CFAP54: variants seen among roughly 807,000 people sequenced by gnomAD.
The protein encoded by CFAP54 is cilia- and flagella-associated protein 54.
Under a neutral mutation model 370.4 loss-of-function variants are expected in CFAP54, and 290 were observed. That is an observed-to-expected ratio of 0.78 (90% CI 0.71 to 0.86). The LOEUF (loss-of-function observed/expected upper bound fraction) is 0.86, where lower values mean the gene tolerates loss of function less well. Among genes scored for constraint, CFAP54 ranks in the 40% least tolerant of loss-of-function variants. The pLI, the probability that CFAP54 is intolerant of heterozygous loss-of-function variation, is 0.00. For missense variants in CFAP54, 3,399 were observed against 3,528.7 expected (o/e 0.96, Z 0.93); for synonymous variants, 1,206 against 1,236.5 (o/e 0.98, Z 0.52).
Position 96,847,305 on chromosome 12 carries a change from G to C in CFAP54, c.9172-13514G>C, listed in dbSNP as rs193100161. On this transcript the variant is annotated intron_variant, in intron 66 of 67. Transcript: ENST00000524981. ...CCTCCCAGCACTCTCCTGGTGAGCTGCCCTCCCTCCCAGCACTCTCCTGGT... is the reference window on the plus strand; with the variant it reads ...CCTCCCAGCACTCTCCTGGTGAGCTCCCCTCCCTCCCAGCACTCTCCTGGT... Among the ~76,000 whole-genome samples, 111 of 150,906 alleles carry C rather than the reference G, an allele frequency of 7.4e-4. No homozygotes were observed. In the East Asian group the frequency reaches 0.02, roughly 27 times the overall value.
At chr12:96,838,274 T>G (rs961648267) in intron 66 of CFAP54, among the ~76,000 whole-genome samples, 1 of 151,556 alleles carries the variant, frequency 6.6e-6, no homozygotes, top group Non-Finnish European at 1.5e-5. Context: ...AAGCCCTTGA[T>G]GCAAAGACAA....
intron 55 of CFAP54, among the ~76,000 whole-genome samples, chr12:96,748,818 G>A (rs997212711): frequency 6.6e-6 from 1 of 152,168 alleles, no homozygotes; most frequent in African/African-American, 2.4e-5. Flanking sequence ...ACCAGCATAT[G>A]TCTGGGTATA....
chr12:96,823,847 C>A (rs748440989), intron 65 of CFAP54, among the ~76,000 whole-genome samples: 15 of 152,172 alleles, frequency 9.9e-5, no homozygotes, highest in Non-Finnish European at 5.9e-5. Flanking sequence ...CCTGGAAGGG[C>A]AGCTCATGAT....
intron 17 of CFAP54, among the ~76,000 whole-genome samples, chr12:96,559,741 C>T (rs1179344367): frequency 6.6e-6 from 1 of 152,032 alleles, no homozygotes; most frequent in African/African-American, 2.4e-5. Context: ...CCCCTGAAAA[C>T]TGTAGCATTT....
At position 96,658,277 on chromosome 12, in the gene CFAP54, A is replaced by G; in HGVS notation, c.5391A>G (p.Ile1797Met). ...CACAGCGCCAGCTTCTGCTGAGAAT[A>G]CAGAAGTTCAAGGGCCCAGATATTA... ...VYAQRQLLLR[I>M]QKFKGPDITQ... The change falls in exon 38 of 68, where the codon ATA becomes ATG. Residue 1797 changes from isoleucine (I) to methionine (M), a missense_variant. Ile to Met is a conservative substitution (Grantham distance 10, BLOSUM62 1). This residue lies in a region of CFAP54 where 2,796 missense variants were observed against 2,869.7 expected (regional missense o/e 0.97). Coordinates refer to ENST00000524981, the MANE Select transcript of CFAP54 (RefSeq NM_001306084.2). 1.2e-6 allele frequency: 2 copies of G among 1,614,080 alleles called. No individual in the cohort carries two copies. Among genetic ancestry groups the G allele is most frequent in the Non-Finnish European group, 8.5e-7 (1 of 1,179,926 alleles).
intron 26 of CFAP54, among the ~76,000 whole-genome samples, chr12:96,602,911 A>G (rs545193570): frequency 1.3e-5 from 2 of 152,120 alleles, no homozygotes; most frequent in African/African-American, 2.4e-5. Context: ...CCTTTATCCA[A>G]TTTGCCAGTC....
intron 19 of CFAP54, among the ~76,000 whole-genome samples, chr12:96,565,885 A>G (rs995772024): frequency 6.6e-6 from 1 of 152,134 alleles, no homozygotes; most frequent in East Asian, 1.9e-4. Context: ...CATAATCCCT[A>G]TGTGTTGTGG....
At chr12:96,600,585 C>A (rs1000867429) in intron 26 of CFAP54, among the ~76,000 whole-genome samples, 3 of 152,098 alleles carry the variant, frequency 2.0e-5, no homozygotes, top group African/African-American at 7.2e-5. Flanking sequence ...GGCAATATGG[C>A]CATTTTCACG....
At position 96,791,895 on chromosome 12, in the gene CFAP54, T is replaced by C. The variant is rs550191603; in HGVS notation, c.8680-434T>C. Reference sequence around the variant, plus strand: ...GATGGAGTCTTGCCCTCTCGCCCAATCTGGAGTGCAGTGGCACGATCTCAG... The same window carrying C: ...GATGGAGTCTTGCCCTCTCGCCCAACCTGGAGTGCAGTGGCACGATCTCAG... On this transcript the variant is annotated intron_variant, in intron 62 of 67. Coordinates refer to ENST00000524981, the MANE Select transcript of CFAP54 (RefSeq NM_001306084.2). Among the ~76,000 whole-genome samples, 513 of 149,730 alleles carry C rather than the reference T, an allele frequency of 3.4e-3. 4 individuals carry two copies. The highest frequency in any genetic ancestry group is 0.012 in the African/African-American group (485 of 40,834).
chr12:96,768,796 C>G (rs1958427377), intron 60 of CFAP54, among the ~76,000 whole-genome samples: 1 of 152,210 alleles, frequency 6.6e-6, no homozygotes, highest in South Asian at 2.1e-4. Context: ...GAGCTGGACA[C>G]AGGCAGGATG....
chr12:96,734,206 T>C (rs966092280), intron 50 of CFAP54, among the ~76,000 whole-genome samples: 10 of 152,192 alleles, frequency 6.6e-5, no homozygotes, highest in Non-Finnish European at 1.5e-5. Context: ...GAAATTGGGA[T>C]GTTATTTAAC....
chr12:96,647,881 A>G lies in CFAP54; in HGVS notation c.4554A>G (p.Arg1518=). 1 of 1,501,926 alleles carries G rather than the reference A, an allele frequency of 6.7e-7. No individual in the cohort carries two copies. Among genetic ancestry groups the G allele is most frequent in the Middle Eastern group, 1.7e-4 (1 of 5,938 alleles). The allele number at this position is 1,501,926 out of a possible 1,614,324, so 93.0% of individuals were successfully genotyped here. A position where few individuals can be genotyped will look rare whatever the true frequency, so the allele number is the denominator to read the frequency against. ...GATTTTTCCCCCCTTGCAGTTTCCG[A>G]TCATGTGATCCTAACATGTTTTCAC... ...FGTSHMMVSF[R]SCDPNMFSLY... The change falls in exon 34 of 68, where the codon CGA becomes CGG. Residue 1518 remains arginine, a synonymous_variant. Transcript: ENST00000524981.
rs1957058684 is a variant in CFAP54, at chr12:96,664,801, A to ATGTG, written c.5563+870_5563+871insGTGT. ...TCTATATATATATATATATATATAT[A>ATGTG]TATATATATATAGATATATATATGT... On this transcript the variant is annotated intron_variant, in intron 39 of 67. Transcript: ENST00000524981. 1.0e-4 allele frequency among the ~76,000 whole-genome samples: 4 copies of ATGTG among 38,202 alleles called. 1 individual carries two copies. In the South Asian group the frequency reaches 2.5e-3, roughly 24 times the overall value. The allele number at this position is 38,202 out of a possible 152,430, so 25.1% of individuals were successfully genotyped here.
intron 60 of CFAP54, among the ~76,000 whole-genome samples, chr12:96,777,570 A>G (rs1421247131): frequency 6.6e-6 from 1 of 152,044 alleles, no homozygotes; most frequent in East Asian, 1.9e-4. Context: ...GCTGGTCTCA[A>G]ACTCCTGATC....
chr12:96,495,406 C>T lies in CFAP54; in HGVS notation c.318-5428C>T, dbSNP rs150378923. Among the ~76,000 whole-genome samples the T allele has an allele frequency of 5.8e-4, 88 of 151,932 alleles. 1 individual carries two copies. The highest frequency in any genetic ancestry group is 2.0e-3 in the African/African-American group (82 of 41,416). ...CACTGCTACGTCTGCCTCCCGGGTG[C>T]AGTCAATCAGACAATTCACGTGCCT... On this transcript the variant is annotated intron_variant, in intron 1 of 67. Coordinates refer to ENST00000524981, the MANE Select transcript of CFAP54 (RefSeq NM_001306084.2).
At chr12:96,622,591 C>G (rs1019970046) in intron 27 of CFAP54, among the ~76,000 whole-genome samples, 3 of 152,164 alleles carry the variant, frequency 2.0e-5, no homozygotes, top group Admixed American at 6.5e-5. Flanking sequence ...CTCAGGTGAT[C>G]CTCCCACCTT....
At chr12:96,751,092 A>C (rs1375801619) in intron 55 of CFAP54, among the ~76,000 whole-genome samples, 1 of 152,222 alleles carries the variant, frequency 6.6e-6, no homozygotes, top group African/African-American at 2.4e-5. Context: ...AATAAACATC[A>C]TGGTTATTTA....
At chr12:96,564,428 A>G (rs1235620324) in intron 17 of CFAP54, 40 bp from the exon 18 acceptor site, 1 of 675,132 alleles carries the variant, frequency 1.5e-6, no homozygotes, top group Non-Finnish European at 2.7e-6. Flanking sequence ...CCTCTCTTGG[A>G]TACATACTTA....
chr12:96,663,285 T>A (rs1248343432), intron 38 of CFAP54, among the ~76,000 whole-genome samples: 2 of 152,170 alleles, frequency 1.3e-5, no homozygotes, highest in Non-Finnish European at 2.9e-5. Context: ...GTTCAAGGGA[T>A]GGGAGTGAAG....
Sources: gnomAD v4.1 joint callset for allele counts (sites outside exome capture counted in the v4.1 genomes callset) on GRCh38, gnomAD v4.1.1 for gene constraint, gnomAD v4.1.1 regional missense constraint, MANE v1.5 for transcripts, NCBI Gene and HGNC (gene_info 2026-07-23, HGNC 2026-07-21) for gene names.